Variants in PARD3 observed in about 807,000 individuals in gnomAD.
PARD3 encodes par-3 family cell polarity regulator.
PARD3 carries 75 observed loss-of-function variants against 155.4 expected under a neutral mutation model. The observed-to-expected ratio is 0.48, with a 90% CI of 0.40 to 0.58. The LOEUF (loss-of-function observed/expected upper bound fraction) is 0.58. Ranked by LOEUF, PARD3 falls within the 20% of genes least tolerant of loss-of-function variation. PARD3 has a pLI of 0.00. For synonymous variants in PARD3, 576 were observed against 610.5 expected (o/e 0.94, Z 0.83); for missense variants, 1,642 against 1,721.7 (o/e 0.95, Z 0.82).
intron 24 of PARD3, among the ~76,000 whole-genome samples, chr10:34,117,271 A>G (rs989520312): frequency 2.0e-5 from 3 of 152,218 alleles, no homozygotes; most frequent in Non-Finnish European, 4.4e-5. Flanking sequence ...CAACTGGCCA[A>G]TAAAAATAAG....
At chr10:34,226,754 G>C (rs1025571238) in intron 22 of PARD3, among the ~76,000 whole-genome samples, 42 of 152,112 alleles carry the variant, frequency 2.8e-4, no homozygotes, top group African/African-American at 9.7e-4. Flanking sequence ...AAACTTGTAT[G>C]CACAAGTTCA....
rs765436377 is a variant in PARD3 at position 34,119,614 on chromosome 10, G to A, written c.3667C>T (p.Arg1223Trp). 76 of 1,599,022 alleles carry A rather than the reference G, an allele frequency of 4.8e-5. 1 individual carries two copies. The Admixed American group carries it at 1.0e-3, about 21-fold the overall frequency. ...AGGCTCGGCCAAGCGTCCTCATACC[G>A]AGGCAGAGAGCTGTACTGGCGCTGG... is the stretch of plus-strand genomic sequence containing the variant. ...QAQRQYSSLP[R>W]QSRKNASSVS... is the part of the protein sequence containing the mutation. The change falls in exon 24 of 25, where the codon CGG becomes TGG. Residue 1223 changes from arginine to tryptophan, a missense_variant and splice_region_variant. Coordinates refer to ENST00000374788, the MANE Select transcript of PARD3 (RefSeq NM_001184785.2).
At chr10:34,615,685 T>C (rs2091204009) in intron 2 of PARD3, among the ~76,000 whole-genome samples, 1 of 152,134 alleles carries the variant, frequency 6.6e-6, no homozygotes, top group African/African-American at 2.4e-5. Flanking sequence ...GGAGAAAATA[T>C]GTGCAAACTA....
At chr10:34,576,343 C>A (rs995360629) in intron 2 of PARD3, among the ~76,000 whole-genome samples, 2 of 152,144 alleles carry the variant, frequency 1.3e-5, no homozygotes, top group Admixed American at 1.3e-4. Context: ...CTTGTGCATT[C>A]TCTCATCAGC....
At chr10:34,556,780 T>C (rs563493591) in intron 2 of PARD3, among the ~76,000 whole-genome samples, 1 of 152,254 alleles carries the variant, frequency 6.6e-6, no homozygotes, top group African/African-American at 2.4e-5. Context: ...CCTAACCCTC[T>C]CACATAAAAC....
intron 4 of PARD3, among the ~76,000 whole-genome samples, chr10:34,458,424 A>T (rs2077447202): frequency 6.6e-6 from 1 of 152,148 alleles, no homozygotes; most frequent in Admixed American, 6.5e-5. Context: ...GCTGGTCTCA[A>T]GCTCCTGGCC....
intron 2 of PARD3, among the ~76,000 whole-genome samples, chr10:34,548,018 A>G (rs2084240948): frequency 6.6e-6 from 1 of 152,226 alleles, no homozygotes; most frequent in South Asian, 2.1e-4. Context: ...TCTACTGATC[A>G]AGCACACAGT....
At chr10:34,373,663 T>C (rs1840926448) in intron 11 of PARD3, among the ~76,000 whole-genome samples, 1 of 152,040 alleles carries the variant, frequency 6.6e-6, no homozygotes, top group African/African-American at 2.4e-5. Flanking sequence ...AATAATGCAT[T>C]AAACATTTTT....
intron 5 of PARD3, among the ~76,000 whole-genome samples, chr10:34,436,226 T>C (rs2132599918): frequency 6.6e-6 from 1 of 152,296 alleles, no homozygotes; most frequent in South Asian, 2.1e-4. Context: ...AACCCAACTC[T>C]CACCCCAAGA....
At chr10:34,127,132 T>C (rs1038834889) in intron 23 of PARD3, among the ~76,000 whole-genome samples, 7 of 152,198 alleles carry the variant, frequency 4.6e-5, no homozygotes, top group South Asian at 2.1e-4. Flanking sequence ...AAAGTTAAAA[T>C]CTTATAAAGA....
chr10:34,380,592 A>G (rs1165203572), intron 9 of PARD3, among the ~76,000 whole-genome samples: 1 of 152,086 alleles, frequency 6.6e-6, no homozygotes, highest in African/African-American at 2.4e-5. Context: ...TCTGTTTAAT[A>G]CTTTACCTTT....
intron 1 of PARD3, among the ~76,000 whole-genome samples, chr10:34,795,669 C>T (rs1307842398): frequency 6.6e-6 from 1 of 151,710 alleles, no homozygotes; most frequent in Non-Finnish European, 1.5e-5. Flanking sequence ...CCAAGGTGGG[C>T]GGATCACCTG....
At chr10:34,603,815 G>A in intron 2 of PARD3, among the ~76,000 whole-genome samples, 1 of 152,140 alleles carries the variant, frequency 6.6e-6, no homozygotes, top group East Asian at 1.9e-4. Context: ...AAGATGGGCA[G>A]GCAGTAAGTT....
At chr10:34,783,960 G>C (rs528422777) in intron 1 of PARD3, among the ~76,000 whole-genome samples, 2 of 152,136 alleles carry the variant, frequency 1.3e-5, no homozygotes, top group African/African-American at 4.8e-5. Flanking sequence ...TGTAGACCCA[G>C]TACTTTAACA....
intron 2 of PARD3, among the ~76,000 whole-genome samples, chr10:34,533,128 T>C (rs538025696): frequency 6.6e-6 from 1 of 152,342 alleles, no homozygotes; most frequent in Admixed American, 6.5e-5. Flanking sequence ...TATGGGACCA[T>C]CATCCTATAT....
chr10:34,545,468 T>C (rs2083967548), intron 2 of PARD3, among the ~76,000 whole-genome samples: 1 of 152,204 alleles, frequency 6.6e-6, no homozygotes. Context: ...ACATGGACAT[T>C]GACAGAAAAA....
At chr10:34,147,994 G>A (rs555363747) in intron 22 of PARD3, among the ~76,000 whole-genome samples, 1 of 152,246 alleles carries the variant, frequency 6.6e-6, no homozygotes, top group East Asian at 1.9e-4. Flanking sequence ...ACACTGCCTT[G>A]CCTGTATTTT....
chr10:34,640,640 T>G (rs1319675227), intron 2 of PARD3, among the ~76,000 whole-genome samples: 1 of 126,522 alleles, frequency 7.9e-6, no homozygotes, highest in African/African-American at 3.0e-5. Context: ...AACCGGGAGG[T>G]GGAGGCTGTG....
chr10:34,708,030 T>C (rs1348360586), intron 1 of PARD3, among the ~76,000 whole-genome samples: 1 of 152,192 alleles, frequency 6.6e-6, no homozygotes, highest in Non-Finnish European at 1.5e-5. Flanking sequence ...AGATAAAGCT[T>C]ATATTCCTTA....
Sources: gnomAD v4.1 joint callset for allele counts (sites outside exome capture counted in the v4.1 genomes callset) on GRCh38, gnomAD v4.1.1 for gene constraint, MANE v1.5 for transcripts, NCBI Gene and HGNC (gene_info 2026-07-23, HGNC 2026-07-21) for gene names.